Variants in MCC observed in about 807,000 individuals in gnomAD.
MCC encodes the protein colorectal mutant cancer protein.
A neutral mutation model predicts 116.2 loss-of-function variants in MCC; 90 were observed. The observed-to-expected ratio is 0.77, with a 90% confidence interval of 0.65 to 0.92. The LOEUF is 0.92. Ranked by LOEUF, MCC falls within the 40% of genes least tolerant of loss-of-function variation. MCC has a pLI of 0.00. For missense variants in MCC, 1,516 were observed against 1,312.2 expected (o/e 1.16, Z -2.40); for synonymous variants, 578 against 510.5 (o/e 1.13, Z -1.78).
chr5:113,217,478 T>G (rs565616868), intron 3 of MCC, among the ~76,000 whole-genome samples: 2 of 150,490 alleles, frequency 1.3e-5, no homozygotes, highest in East Asian at 3.9e-4. Context: ...ATACAAAACT[T>G]CATCTTTCTT....
intron 3 of MCC, among the ~76,000 whole-genome samples, chr5:113,302,143 C>T (rs187259091): frequency 7.7e-4 from 117 of 152,172 alleles, no homozygotes; most frequent in African/African-American, 2.7e-3. Flanking sequence ...ATAATGGCTA[C>T]GAACATTACA....
At position 113,064,001 on chromosome 5, in the gene MCC, G is replaced by A. The variant is rs1753407487; in HGVS notation, c.2196C>T (p.Ser732=). The A allele has an allele frequency of 3.7e-6, 6 of 1,612,886 alleles. No individual in the cohort carries two copies. The highest frequency in any genetic ancestry group is 5.1e-6 in the Non-Finnish European group (6 of 1,179,672). ...AGCATTACCTGGTGTGGCTGTTGGA[G>A]GAAAGGCTCTCCCAGGGCTGCACGC... ...GCSVQPWESL[S]SNSHTSTTSS... The change falls in exon 14 of 19, where the codon TCC becomes TCT. Residue 732 remains serine (S), a synonymous_variant. Coordinates refer to ENST00000408903, the MANE Select transcript of MCC (RefSeq NM_001085377.2).
intron 3 of MCC, among the ~76,000 whole-genome samples, chr5:113,201,224 A>G (rs1762662384): frequency 6.6e-6 from 1 of 152,066 alleles, no homozygotes; most frequent in Admixed American, 6.6e-5. Context: ...CATCTCTACT[A>G]AAAATACAAA....
intron 16 of MCC, chr5:113,044,477 A>T (rs1053299666): frequency 2.0e-6 from 2 of 983,936 alleles, no homozygotes; most frequent in Non-Finnish European, 2.4e-6. Context: ...GAAGGCATTC[A>T]TCGGATGATC....
rs113090973 is a variant in MCC, at chr5:113,462,783, C to T, written c.170+25462G>A. Among the ~76,000 whole-genome samples the T allele has an allele frequency of 9.7e-4, 147 of 152,262 alleles. 4 individuals carry two copies. The highest frequency in any genetic ancestry group is 3.3e-3 in the African/African-American group (138 of 41,554). On this transcript the variant is annotated intron_variant, in intron 1 of 18. Coordinates refer to ENST00000408903, the MANE Select transcript of MCC (RefSeq NM_001085377.2). ...GCAAAAGGACTTCATTGATTCTTTC[C>T]ACAAATATTTACTGAATAGTAACAA... is the stretch of plus-strand genomic sequence containing the variant.
chr5:113,064,012 C>T lies in MCC; in HGVS notation c.2185G>A (p.Glu729Lys). The change falls in exon 14 of 19, where the codon GAG becomes AAG. Residue 729 changes from glutamate to lysine, a missense_variant. By Grantham distance (56) the Glu-to-Lys change is moderately conservative. Coordinates refer to ENST00000408903, the MANE Select transcript of MCC (RefSeq NM_001085377.2). ...GTGTGGCTGTTGGAGGAAAGGCTCT[C>T]CCAGGGCTGCACGCTGCAGCCGGCC... ...AVAGCSVQPW[E>K]SLSSNSHTST... 1 of 1,613,566 alleles carries T rather than the reference C, an allele frequency of 6.2e-7. No homozygotes were observed.
At chr5:113,077,608 T>C (rs1383929730) in intron 11 of MCC, among the ~76,000 whole-genome samples, 4 of 152,224 alleles carry the variant, frequency 2.6e-5, no homozygotes, top group South Asian at 2.1e-4. Flanking sequence ...TTGAAACCAA[T>C]GAGAACAAAG....
chr5:113,300,471 C>T (rs1318782288), intron 3 of MCC, among the ~76,000 whole-genome samples: 1 of 152,214 alleles, frequency 6.6e-6, no homozygotes, highest in African/African-American at 2.4e-5. Flanking sequence ...ATAATCTTCT[C>T]AACCACGCCC....
chr5:113,240,031 T>C (rs1204670235), intron 3 of MCC, among the ~76,000 whole-genome samples: 4 of 152,216 alleles, frequency 2.6e-5, no homozygotes, highest in Non-Finnish European at 5.9e-5. Flanking sequence ...CCAAATTACC[T>C]ACTCTTTTCT....
intron 3 of MCC, among the ~76,000 whole-genome samples, chr5:113,204,170 T>G (rs1762811328): frequency 6.6e-6 from 1 of 152,212 alleles, no homozygotes; most frequent in Non-Finnish European, 1.5e-5. Context: ...CTTGACGGTT[T>G]GCAAGAACCG....
intron 5 of MCC, among the ~76,000 whole-genome samples, chr5:113,127,467 A>AACAGTGTGT (rs758217779): frequency 1.2e-4 from 18 of 152,200 alleles, no homozygotes; most frequent in Non-Finnish European, 2.4e-4. Flanking sequence ...CACTCCCACC[A>AACAGTGTGT]ACAGTGTGTA....
At chr5:113,281,672 T>C (rs1283356577) in intron 3 of MCC, among the ~76,000 whole-genome samples, 1 of 152,248 alleles carries the variant, frequency 6.6e-6, no homozygotes, top group Non-Finnish European at 1.5e-5. Context: ...CCCAGTATTC[T>C]GACTTGACAC....
At chr5:113,402,163 A>T (rs1172031930) in intron 1 of MCC, among the ~76,000 whole-genome samples, 11 of 151,994 alleles carry the variant, frequency 7.2e-5, no homozygotes, top group Admixed American at 2.0e-4. Flanking sequence ...ACGTAGTGGC[A>T]GGCGCCTGTA....
intron 6 of MCC, among the ~76,000 whole-genome samples, chr5:113,118,323 G>C (rs1465369725): frequency 6.6e-6 from 1 of 152,128 alleles, no homozygotes; most frequent in Non-Finnish European, 1.5e-5. Context: ...TTTATTTTCT[G>C]AACAATGTGT....
At chr5:113,176,195 C>T (rs566773946) in intron 3 of MCC, among the ~76,000 whole-genome samples, 1 of 152,062 alleles carries the variant, frequency 6.6e-6, no homozygotes, top group Non-Finnish European at 1.5e-5. Context: ...ATGCCCATTT[C>T]TTGTACTGTA....
chr5:113,183,239 A>T (rs568369387), intron 3 of MCC, among the ~76,000 whole-genome samples: 45 of 152,272 alleles, frequency 3.0e-4, no homozygotes, highest in Middle Eastern at 3.4e-3. Context: ...TTCACACCAG[A>T]GAGGTCTGGA....
intron 2 of MCC, among the ~76,000 whole-genome samples, chr5:113,354,583 C>T (rs1456203951): frequency 1.3e-5 from 2 of 151,584 alleles, no homozygotes; most frequent in African/African-American, 4.8e-5. Context: ...TACAGGCATG[C>T]ACCACCACAC....
chr5:113,462,666 T>A (rs959944049), intron 1 of MCC, among the ~76,000 whole-genome samples: 1 of 152,178 alleles, frequency 6.6e-6, no homozygotes, highest in African/African-American at 2.4e-5. Context: ...ACTTTTTATG[T>A]TCATGAAAAT....
chr5:113,385,233 A>G (rs752591349), intron 1 of MCC, 21 bp from the exon 2 acceptor site: 1 of 1,607,996 alleles, frequency 6.2e-7, no homozygotes, highest in East Asian at 2.2e-5. Flanking sequence ...GGTTGAACAG[A>G]AGAAAATGTG....
Sources: gnomAD v4.1 joint callset for allele counts (sites outside exome capture counted in the v4.1 genomes callset) on GRCh38, gnomAD v4.1.1 for gene constraint, MANE v1.5 for transcripts, NCBI Gene and HGNC (gene_info 2026-07-23, HGNC 2026-07-21) for gene names.